ARHGAP20: variants seen among roughly 807,000 people sequenced by gnomAD.
The protein encoded by ARHGAP20 is rho GTPase-activating protein 20.
Under a neutral mutation model 73.7 loss-of-function variants are expected in ARHGAP20, and 34 were observed. That is an observed-to-expected ratio of 0.46 (90% CI 0.35 to 0.61). The LOEUF (loss-of-function observed/expected upper bound fraction) is 0.61. Among genes scored for constraint, ARHGAP20 ranks in the 20% least tolerant of loss-of-function variants. The probability of loss-of-function intolerance (pLI) is 0.00; values close to 1 mark genes in which losing one functional copy is unlikely to be tolerated. For missense variants in ARHGAP20, 1,314 were observed against 1,420.9 expected (o/e 0.92, Z 1.21); for synonymous variants, 523 against 518.2 (o/e 1.01, Z -0.13).
chr11:110,651,550 A>G (rs949171093), intron 2 of ARHGAP20, among the ~76,000 whole-genome samples: 1 of 152,088 alleles, frequency 6.6e-6, no homozygotes, highest in South Asian at 2.1e-4. Context: ...GGATATCACC[A>G]CTGACCCCAC....
chr11:110,635,636 A>C (rs933325117), intron 2 of ARHGAP20, among the ~76,000 whole-genome samples: 1 of 152,152 alleles, frequency 6.6e-6, no homozygotes, highest in Non-Finnish European at 1.5e-5. Context: ...AATTAACCAC[A>C]TACTATGTAT....
chr11:110,616,127 A>G (rs1419612909), intron 4 of ARHGAP20, among the ~76,000 whole-genome samples: 1 of 151,444 alleles, frequency 6.6e-6, no homozygotes, highest in Admixed American at 6.7e-5. Context: ...TTGCCCAGAA[A>G]CCAGTTTGTT....
chr11:110,684,811 T>C (rs541816492), intron 2 of ARHGAP20, among the ~76,000 whole-genome samples: 1 of 152,046 alleles, frequency 6.6e-6, no homozygotes, highest in East Asian at 1.9e-4. Flanking sequence ...TCTAAGTAAA[T>C]TAACACAGAA....
At chr11:110,621,735 T>C (rs1488722851) in intron 4 of ARHGAP20, among the ~76,000 whole-genome samples, 2 of 152,230 alleles carry the variant, frequency 1.3e-5, no homozygotes, top group African/African-American at 4.8e-5. Flanking sequence ...ATTCAACATA[T>C]GAATCATCTC....
intron 2 of ARHGAP20, among the ~76,000 whole-genome samples, chr11:110,654,033 C>T (rs1949414669): frequency 1.3e-5 from 2 of 152,046 alleles, no homozygotes; most frequent in Non-Finnish European, 2.9e-5. Context: ...AAGGGAACAA[C>T]ATACACTGGG....
At chr11:110,581,946 A>C (rs1947482764) in intron 14 of ARHGAP20, among the ~76,000 whole-genome samples, 1 of 152,038 alleles carries the variant, frequency 6.6e-6, no homozygotes, top group South Asian at 2.1e-4. Flanking sequence ...AAAAAAAAAA[A>C]AACATTCATG....
chr11:110,658,314 G>A (rs979681384), intron 2 of ARHGAP20, among the ~76,000 whole-genome samples: 4 of 152,122 alleles, frequency 2.6e-5, no homozygotes, highest in African/African-American at 9.7e-5. Flanking sequence ...CACATCCTCT[G>A]CAGCCCTATT....
chr11:110,583,420 T>C (rs1947527877), intron 13 of ARHGAP20, 128 bp downstream of exon 13: 1 of 843,754 alleles, frequency 1.2e-6, no homozygotes, highest in Admixed American at 3.2e-5. Flanking sequence ...AGTCTACCAG[T>C]AAAGTCAAAT....
chr11:110,582,898 C>T (rs900436810), intron 13 of ARHGAP20, among the ~76,000 whole-genome samples: 17 of 152,134 alleles, frequency 1.1e-4, no homozygotes, highest in African/African-American at 3.9e-4. Context: ...ATTTGGCTGA[C>T]AGGTCTATCC....
intron 2 of ARHGAP20, among the ~76,000 whole-genome samples, chr11:110,649,230 G>A (rs1191258138): frequency 7.2e-6 from 1 of 138,674 alleles, no homozygotes; most frequent in Non-Finnish European, 1.5e-5. Flanking sequence ...TTTTTGGAGG[G>A]GGTCTTGCTA....
chr11:110,677,549 G>A (rs997567136), intron 2 of ARHGAP20, among the ~76,000 whole-genome samples: 5 of 152,108 alleles, frequency 3.3e-5, no homozygotes, highest in Non-Finnish European at 7.4e-5. Flanking sequence ...GGAGGGTGAG[G>A]TGGGAAGATT....
intron 2 of ARHGAP20, among the ~76,000 whole-genome samples, chr11:110,686,292 G>A (rs988319103): frequency 5.3e-5 from 8 of 151,656 alleles, no homozygotes; most frequent in African/African-American, 1.9e-4. Flanking sequence ...TGATCTCCAA[G>A]TTTTAAAAAA....
At chr11:110,636,948 A>G (rs1304418761) in intron 2 of ARHGAP20, among the ~76,000 whole-genome samples, 1 of 152,004 alleles carries the variant, frequency 6.6e-6, no homozygotes, top group Non-Finnish European at 1.5e-5. Context: ...AGGACTTACA[A>G]GTTATAATTA....
chr11:110,604,765 C>T (rs1948185612), intron 9 of ARHGAP20, among the ~76,000 whole-genome samples: 1 of 152,026 alleles, frequency 6.6e-6, no homozygotes, highest in African/African-American at 2.4e-5. Flanking sequence ...ATTTGTGTAT[C>T]TGATGTTGGT....
At chr11:110,616,723 A>G (rs1948492620) in intron 4 of ARHGAP20, among the ~76,000 whole-genome samples, 1 of 141,902 alleles carries the variant, frequency 7.0e-6, no homozygotes, top group South Asian at 2.2e-4. Flanking sequence ...TACATTTTCC[A>G]TCTTTCACAA....
At chr11:110,666,805 A>G (rs1949732946) in intron 2 of ARHGAP20, among the ~76,000 whole-genome samples, 1 of 152,232 alleles carries the variant, frequency 6.6e-6, no homozygotes, top group African/African-American at 2.4e-5. Flanking sequence ...GTTTTGGGGC[A>G]CTGTGAATTA....
At chr11:110,708,811 T>C (rs1212442527) in intron 1 of ARHGAP20, among the ~76,000 whole-genome samples, 1 of 152,172 alleles carries the variant, frequency 6.6e-6, no homozygotes, top group Non-Finnish European at 1.5e-5. Context: ...TGGAGATGTT[T>C]TCACAAGCGT....
At chr11:110,703,780 T>C (rs1031920088) in intron 1 of ARHGAP20, among the ~76,000 whole-genome samples, 5 of 152,134 alleles carry the variant, frequency 3.3e-5, no homozygotes, top group Admixed American at 6.6e-5. Context: ...CCTTTGGTCA[T>C]GATAATCTTT....
Position 110,606,587 on chromosome 11 carries a change from C to T in ARHGAP20, c.938G>A (p.Arg313His), listed in dbSNP as rs770770539. Reference protein sequence around the residue: ...MQCQFILKPSRLAAAQQLSDS... With the variant: ...MQCQFILKPSHLAAAQQLSDS... Reference sequence around the variant, plus strand: ...ACTCAGTTGCTGGGCTGCAGCCAGGCGGCTGGGCTTCAGGATGAACTGGCA... The same window carrying T: ...ACTCAGTTGCTGGGCTGCAGCCAGGTGGCTGGGCTTCAGGATGAACTGGCA... Residue 313 changes from arginine to histidine, a missense_variant, in exon 9 of 15, where the codon CGC becomes CAC. By Grantham distance (29) the Arg-to-His change is conservative. Coordinates refer to ENST00000683387, the MANE Select transcript of ARHGAP20 (RefSeq NM_001384657.1). 38 of 1,609,418 alleles carry T rather than the reference C, an allele frequency of 2.4e-5. No individual in the cohort carries two copies. The highest frequency in any genetic ancestry group is 3.3e-5 in the South Asian group (3 of 90,894).
Sources: gnomAD v4.1 joint callset for allele counts (sites outside exome capture counted in the v4.1 genomes callset) on GRCh38, gnomAD v4.1.1 for gene constraint, MANE v1.5 for transcripts, NCBI Gene and HGNC (gene_info 2026-07-23, HGNC 2026-07-21) for gene names.